Variants in CTNNA2 observed in about 807,000 individuals in gnomAD.
CTNNA2 encodes the protein catenin alpha 2, also known as catenin alpha-2.
A neutral mutation model predicts 101.0 loss-of-function variants in CTNNA2; 42 were observed. That is an observed-to-expected ratio of 0.42 (90% CI 0.32 to 0.54). The LOEUF (loss-of-function observed/expected upper bound fraction) is 0.54. CTNNA2 is among the 20% of genes least tolerant of loss of function. The pLI is 0.14. For missense variants in CTNNA2, 871 were observed against 1,223.1 expected (o/e 0.71, Z 4.29); for synonymous variants, 450 against 456.4 (o/e 0.99, Z 0.18).
At chr2:79,650,438 G>T (rs1681147523) in intron 1 of CTNNA2, among the ~76,000 whole-genome samples, 1 of 152,108 alleles carries the variant, frequency 6.6e-6, no homozygotes, top group East Asian at 1.9e-4. Flanking sequence ...TTGTCCCAAG[G>T]AGTATGATAT....
intron 9 of CTNNA2, among the ~76,000 whole-genome samples, chr2:80,484,235 G>A (rs748007003): frequency 1.3e-4 from 19 of 151,994 alleles, no homozygotes; most frequent in Middle Eastern, 6.3e-3. Context: ...TACATTTAAA[G>A]CAAGATTTGT....
upstream of CTNNA2, among the ~76,000 whole-genome samples, chr2:79,509,407 C>A (rs759440120): frequency 7.9e-5 from 12 of 152,156 alleles, no homozygotes; most frequent in East Asian, 3.9e-4. Flanking sequence ...TAAATAGAGA[C>A]AACTGAATAT....
At chr2:79,348,987 A>T (rs573770544) in intron 3 of CTNNA2, among the ~76,000 whole-genome samples, 1 of 152,234 alleles carries the variant, frequency 6.6e-6, no homozygotes, top group Non-Finnish European at 1.5e-5. Context: ...GAGTAAAATT[A>T]CTTGTCAAAG....
chr2:79,627,637 C>G (rs1021439873), intron 1 of CTNNA2, among the ~76,000 whole-genome samples: 1 of 152,166 alleles, frequency 6.6e-6, no homozygotes. Flanking sequence ...ATCTTGCTTT[C>G]TGTTGTTGAT....
chr2:79,463,972 G>C lies in CTNNA2; in HGVS notation c.-134-41082G>C, dbSNP rs146883109. 7.2e-3 allele frequency among the ~76,000 whole-genome samples: 936 copies of C among 129,990 alleles called. 33 individuals carry two copies. Among genetic ancestry groups the C allele is most frequent in the East Asian group, 0.052 (237 of 4,534 alleles). The allele number at this position is 129,990 out of a possible 152,430, so 85.3% of individuals were successfully genotyped here. ...AATGTTATCATAAGACAGCATGGCC[G>C]GGCTTAAAGAAAGTTTTTTTTTTTT... is the stretch of plus-strand genomic sequence containing the variant. On this transcript the variant is annotated intron_variant, in intron 4 of 21. Coordinates refer to the CTNNA2 transcript ENST00000466387.
At chr2:80,136,338 G>A (rs1702694074) in intron 7 of CTNNA2, among the ~76,000 whole-genome samples, 2 of 152,182 alleles carry the variant, frequency 1.3e-5, no homozygotes, top group African/African-American at 4.8e-5. Flanking sequence ...TTTGTAAAAT[G>A]AGGATTTGGA....
chr2:79,947,719 A>G (rs775387477), intron 7 of CTNNA2, among the ~76,000 whole-genome samples: 1 of 152,160 alleles, frequency 6.6e-6, no homozygotes, highest in African/African-American at 2.4e-5. Context: ...TTAAGGTTTT[A>G]TAGGATACAC....
intron 7 of CTNNA2, among the ~76,000 whole-genome samples, chr2:80,383,673 A>T (rs540059213): frequency 6.6e-6 from 1 of 152,254 alleles, no homozygotes; most frequent in African/African-American, 2.4e-5. Context: ...GCCTATAAAG[A>T]AGGAGGACGT....
chr2:80,372,634 A>C (rs1367492160), intron 7 of CTNNA2, among the ~76,000 whole-genome samples: 2 of 152,144 alleles, frequency 1.3e-5, no homozygotes, highest in African/African-American at 4.8e-5. Context: ...GTAGACACCC[A>C]AAAAATAGAC....
At chr2:80,600,878 T>G (rs1284078934) in intron 15 of CTNNA2, among the ~76,000 whole-genome samples, 2 of 152,034 alleles carry the variant, frequency 1.3e-5, no homozygotes, top group African/African-American at 4.8e-5. Context: ...GTATACGACT[T>G]TAATTAAAGT....
intron 2 of CTNNA2, among the ~76,000 whole-genome samples, chr2:79,226,261 A>G (rs1197914502): frequency 2.6e-5 from 4 of 152,204 alleles, no homozygotes; most frequent in Admixed American, 6.5e-5. Flanking sequence ...CGTCACACAC[A>G]ACTGAATTTA....
At chr2:80,158,617 A>C (rs1704121620) in intron 7 of CTNNA2, among the ~76,000 whole-genome samples, 1 of 152,192 alleles carries the variant, frequency 6.6e-6, no homozygotes, top group South Asian at 2.1e-4. Flanking sequence ...TTGTTTTAAG[A>C]ATGTCATACA....
intron 8 of CTNNA2, among the ~76,000 whole-genome samples, chr2:80,414,288 T>C (rs1452767778): frequency 6.6e-6 from 1 of 152,182 alleles, no homozygotes; most frequent in Non-Finnish European, 1.5e-5. Flanking sequence ...AAAGGAAGCA[T>C]TGTAGCATAC....
At position 80,426,804 on chromosome 2, in the gene CTNNA2, A is replaced by G. The variant is rs144138994; in HGVS notation, c.1290+7203A>G. The stretch of plus-strand genomic sequence containing the variant: ...ATCTTTTGCTTGTTAAATGTGTCAT[A>G]CTCCCTCCCATCCTAGACCTATGCT... On this transcript the variant is annotated intron_variant, in intron 9 of 18. Coordinates refer to ENST00000402739, the MANE Select transcript of CTNNA2 (RefSeq NM_001282597.3). Among the ~76,000 whole-genome samples the G allele has an allele frequency of 2.0e-3, 298 of 150,252 alleles. 5 individuals are homozygous for G. The East Asian group carries it at 0.04, about 20-fold the overall frequency.
intron 1 of CTNNA2, among the ~76,000 whole-genome samples, chr2:79,514,410 G>A (rs890223034): frequency 1.3e-5 from 2 of 152,208 alleles, no homozygotes; most frequent in African/African-American, 4.8e-5. Flanking sequence ...CATGCTGTGT[G>A]ATTCTGTTTG....
chr2:79,582,061 G>A (rs1444320024), intron 1 of CTNNA2, among the ~76,000 whole-genome samples: 1 of 152,164 alleles, frequency 6.6e-6, no homozygotes, highest in South Asian at 2.1e-4. Context: ...TTTAAAAGGG[G>A]GTTCTGGACT....
At chr2:80,552,835 A>G (rs1030956223) in intron 11 of CTNNA2, among the ~76,000 whole-genome samples, 1 of 152,194 alleles carries the variant, frequency 6.6e-6, no homozygotes, top group Non-Finnish European at 1.5e-5. Flanking sequence ...ATCTTATGGG[A>G]CTACCTTTAA....
chr2:79,245,620 C>T (rs935706575), intron 2 of CTNNA2, among the ~76,000 whole-genome samples: 21 of 152,234 alleles, frequency 1.4e-4, no homozygotes, highest in South Asian at 2.1e-4. Context: ...CATTTCAGTC[C>T]GATTAAAATT....
intron 11 of CTNNA2, among the ~76,000 whole-genome samples, chr2:80,554,232 ACT>A (rs985944431): frequency 1.4e-4 from 21 of 152,108 alleles, no homozygotes; most frequent in Admixed American, 3.9e-4. Flanking sequence ...TTTGCTGGAT[ACT>A]CTCTTTCTTT....
Sources: gnomAD v4.1 joint callset for allele counts (sites outside exome capture counted in the v4.1 genomes callset) on GRCh38, gnomAD v4.1.1 for gene constraint, MANE v1.5 for transcripts, NCBI Gene and HGNC (gene_info 2026-07-23, HGNC 2026-07-21) for gene names.